TBCD: variants seen among roughly 807,000 people sequenced by gnomAD.
TBCD encodes the protein tubulin-specific chaperone D.
TBCD carries 105 observed loss-of-function variants against 169.3 expected under a neutral mutation model. The ratio of observed to expected loss-of-function variants is 0.62; its 90% CI spans 0.53 to 0.73. The LOEUF (loss-of-function observed/expected upper bound fraction) is 0.73. TBCD is among the 30% of genes least tolerant of loss of function. The pLI is 0.00. For synonymous variants in TBCD, 700 were observed against 643.9 expected (o/e 1.09, Z -1.32); for missense variants, 1,444 against 1,600.1 (o/e 0.90, Z 1.66).
intron 6 of TBCD, among the ~76,000 whole-genome samples, chr17:82,774,756 T>C (rs1179618589): frequency 6.6e-6 from 1 of 151,860 alleles, no homozygotes; most frequent in East Asian, 2.0e-4. Context: ...GTATTAAAAC[T>C]CAATATTGCA....
intron 35 of TBCD, chr17:82,937,664 C>T: frequency 3.3e-6 from 2 of 608,072 alleles, no homozygotes. Flanking sequence ...CCCGATTCTC[C>T]TGTGTGCCCT....
At chr17:82,766,228 T>G (rs747069164) in intron 3 of TBCD, 39 bp from the exon 4 acceptor site, 116 of 1,546,648 alleles carry the variant, frequency 7.5e-5, no homozygotes, top group Non-Finnish European at 1.0e-4. Context: ...GCTCTCTGTA[T>G]TTTTAAATGT....
At chr17:82,818,165 G>GAT (rs1358806709) in intron 13 of TBCD, among the ~76,000 whole-genome samples, 2 of 152,246 alleles carry the variant, frequency 1.3e-5, no homozygotes, top group Non-Finnish European at 2.9e-5. Context: ...TTCAGAAACT[G>GAT]ACACGTGATG....
Position 82,893,612 on chromosome 17 carries a change from C to A in TBCD, c.1629C>A (p.Ser543=), listed in dbSNP as rs369352813. 6.2e-7 allele frequency: 1 copy of A among 1,609,260 alleles called. No homozygotes were observed. Among genetic ancestry groups the A allele is most frequent in the Non-Finnish European group, 8.5e-7 (1 of 1,177,466 alleles). The change falls in exon 17 of 39, where the codon TCC becomes TCA. Residue 543 remains serine (S), a synonymous_variant. Transcript: ENST00000355528. ...TADYFAVGNR[S]NCFLVISVFI... is the part of the protein sequence containing the mutation. ...ACTATTTTGCCGTCGGTAACAGATC[C>A]AACTGTTTCCTGGTTATAAGGTAAG...
Position 82,766,312 on chromosome 17 carries a change from G to C in TBCD, c.379G>C (p.Ala127Pro), listed in dbSNP as rs775562890. The change falls in exon 4 of 39, where the codon GCC becomes CCC. Residue 127 changes from alanine (A) to proline (P), a missense_variant. Coordinates refer to ENST00000355528, the MANE Select transcript of TBCD (RefSeq NM_005993.5). Reference sequence around the variant, plus strand: ...TCTTCGTTTATTTCCTCATGAAGTTGCCGATGTAGAGCCTGTTTTAGATTT... The same window carrying C: ...TCTTCGTTTATTTCCTCATGAAGTTCCCGATGTAGAGCCTGTTTTAGATTT... ...TFLRLFPHEVADVEPVLDLVT... is the reference protein window; with the variant it reads ...TFLRLFPHEVPDVEPVLDLVT... 6.2e-6 allele frequency: 10 copies of C among 1,613,254 alleles called. No individual in the cohort carries two copies. In the African/African-American group the frequency reaches 1.1e-4, roughly 17 times the overall value.
chr17:82,892,080 G>A (rs1299984783), intron 16 of TBCD, among the ~76,000 whole-genome samples: 2 of 152,004 alleles, frequency 1.3e-5, no homozygotes, highest in African/African-American at 2.4e-5. Flanking sequence ...AGCTGAGCCC[G>A]CTTTTGTCTG....
rs1568079302 is a variant in TBCD at position 82,752,098 on chromosome 17, C to T, written c.-96C>T. 6 of 1,321,968 alleles carry T rather than the reference C, an allele frequency of 4.5e-6. No individual in the cohort carries two copies. Among genetic ancestry groups the T allele is most frequent in the South Asian group, 3.5e-5 (2 of 57,682 alleles). 81.9% of individuals were successfully genotyped at this position (1,321,968 alleles called of 1,614,324 possible). ...CGGTTGCCGCCTTAGCGGGCGCCTC[C>T]TTTTCATCCCTCATCCTTCATCCCT... On this transcript the variant is annotated 5_prime_UTR_variant, in exon 1 of 39. Coordinates refer to ENST00000355528, the MANE Select transcript of TBCD (RefSeq NM_005993.5).
intron 16 of TBCD, chr17:82,893,104 G>T (rs1297670627): frequency 6.0e-6 from 1 of 166,258 alleles, no homozygotes; most frequent in Non-Finnish European, 1.3e-5. Flanking sequence ...GCAGGCGGCT[G>T]CATCCCCGAC....
At chr17:82,894,845 C>T (rs993257142) in intron 17 of TBCD, among the ~76,000 whole-genome samples, 5 of 152,222 alleles carry the variant, frequency 3.3e-5, no homozygotes, top group Non-Finnish European at 7.4e-5. Context: ...GGCGTGGTGG[C>T]GGGTGCCTGT....
intron 9 of TBCD, among the ~76,000 whole-genome samples, chr17:82,803,948 G>A (rs1347826469): frequency 2.2e-5 from 3 of 133,734 alleles, no homozygotes; most frequent in African/African-American, 8.5e-5. Flanking sequence ...CCCGTGGGAC[G>A]TTAGGGGAGA....
intron 12 of TBCD, among the ~76,000 whole-genome samples, chr17:82,812,659 C>T (rs1232644722): frequency 4.6e-5 from 7 of 152,204 alleles, no homozygotes; most frequent in Non-Finnish European, 7.3e-5. Context: ...ATTCCCCTGC[C>T]GCAGCCCCCA....
At chr17:82,830,862 G>C (rs2053439178) in intron 13 of TBCD, 1 of 1,612,656 alleles carries the variant, frequency 6.2e-7, no homozygotes, top group Non-Finnish European at 8.5e-7. Context: ...GAGGGTCTCC[G>C]TTCACAACAT....
At chr17:82,935,046 A>G (rs2062503522) in intron 34 of TBCD, among the ~76,000 whole-genome samples, 1 of 151,462 alleles carries the variant, frequency 6.6e-6, no homozygotes, top group Non-Finnish European at 1.5e-5. Context: ...CCTGGGCAAC[A>G]CAGCCAGACT....
intron 13 of TBCD, among the ~76,000 whole-genome samples, chr17:82,825,982 G>T (rs2052807843): frequency 2.0e-5 from 3 of 152,272 alleles, no homozygotes; most frequent in Admixed American, 1.3e-4. Flanking sequence ...AATTTCATAG[G>T]CAAGTTTTTC....
At chr17:82,807,023 C>T (rs955129528) in intron 10 of TBCD, among the ~76,000 whole-genome samples, 1 of 152,240 alleles carries the variant, frequency 6.6e-6, no homozygotes, top group Non-Finnish European at 1.5e-5. Context: ...CAGACTGTCT[C>T]TCCACCCTCC....
At chr17:82,823,245 C>T (rs1395503436) in intron 13 of TBCD, among the ~76,000 whole-genome samples, 1 of 152,190 alleles carries the variant, frequency 6.6e-6, no homozygotes, top group Non-Finnish European at 1.5e-5. Flanking sequence ...CTGGCCTGAC[C>T]CTGCTGCCCC....
At chr17:82,868,957 C>T (rs904626452) in intron 13 of TBCD, among the ~76,000 whole-genome samples, 100 of 150,410 alleles carry the variant, frequency 6.6e-4, no homozygotes, top group African/African-American at 2.4e-3. Flanking sequence ...TGGAGCGGGT[C>T]GTGTGCAGAG....
chr17:82,886,867 A>G (rs987745052), intron 15 of TBCD, among the ~76,000 whole-genome samples: 1 of 150,832 alleles, frequency 6.6e-6, no homozygotes, highest in Non-Finnish European at 1.5e-5. Context: ...ACGGGGTTTC[A>G]CCATGTTGGC....
At position 82,873,930 on chromosome 17, in the gene TBCD, C is replaced by G. The variant is rs547946390; in HGVS notation, c.1475+3550C>G. ...TTTTGTGCAGTTTCCACAGGGGACC[C>G]TCTTGCTCCAGGGTCATCTTTCTCA... On this transcript the variant is annotated intron_variant, in intron 14 of 38. Transcript: ENST00000355528. Among the ~76,000 whole-genome samples, 3 of 152,358 alleles carry G rather than the reference C, an allele frequency of 2.0e-5. No individual in the cohort carries two copies. The East Asian group carries it at 5.8e-4, about 29-fold the overall frequency.
Sources: allele counts gnomAD v4.1 joint callset (sites outside exome capture counted in the v4.1 genomes callset), GRCh38; gene constraint gnomAD v4.1.1; transcripts MANE v1.5; gene names NCBI Gene and HGNC (gene_info 2026-07-23, HGNC 2026-07-21).